Variants in SLAMF1 observed in about 807,000 individuals in gnomAD.
The protein encoded by SLAMF1 is signaling lymphocytic activation molecule family member 1.
In SLAMF1, 18 loss-of-function variants were observed where a neutral mutation model predicts 35.1. That is an observed-to-expected ratio of 0.51 (90% CI 0.35 to 0.76). The LOEUF is 0.76. Ranked by LOEUF, SLAMF1 falls within the 30% of genes least tolerant of loss-of-function variation. SLAMF1 has a pLI of 0.01. For synonymous variants in SLAMF1, 168 were observed against 157.2 expected, an observed-to-expected ratio of 1.07 and a Z score of -0.51; for missense variants, 392 against 413.0, an observed-to-expected ratio of 0.95 and a Z score of 0.44.
intron 5 of SLAMF1, among the ~76,000 whole-genome samples, chr1:160,615,270 A>G (rs1479308683): frequency 6.6e-6 from 1 of 152,094 alleles, no homozygotes; most frequent in Non-Finnish European, 1.5e-5. Context: ...TGTTTAAAAT[A>G]TATATGAAAT....
chr1:160,610,806 C>T lies in SLAMF1; in HGVS notation c.958-8G>A. ...TGTGATGGAATTTGTTTCCTGGGGACAAAGCAGAAGTCTGTGAGTAGAGGG... is the reference window on the plus strand; with the variant it reads ...TGTGATGGAATTTGTTTCCTGGGGATAAAGCAGAAGTCTGTGAGTAGAGGG... On this transcript the variant is annotated splice_region_variant and splice_polypyrimidine_tract_variant and intron_variant, in intron 6 of 6. Coordinates refer to ENST00000302035, the MANE Select transcript of SLAMF1 (RefSeq NM_003037.5). 1 of 1,607,928 alleles carries T rather than the reference C, an allele frequency of 6.2e-7. No individual in the cohort carries two copies. Among genetic ancestry groups the T allele is most frequent in the Non-Finnish European group, 8.5e-7 (1 of 1,174,362 alleles).
intron 5 of SLAMF1, 135 bp from the exon 6 acceptor site, chr1:160,612,715 C>T: frequency 1.7e-6 from 1 of 594,092 alleles, no homozygotes; most frequent in South Asian, 2.0e-5. Context: ...CAACCTCCTT[C>T]TCAGGTGGGA....
rs1360271854 is a variant in SLAMF1, at chr1:160,608,515, T to C, written c.*2233A>G. On this transcript the variant is annotated 3_prime_UTR_variant, in exon 7 of 7. Coordinates refer to ENST00000302035, the MANE Select transcript of SLAMF1 (RefSeq NM_003037.5). ...GGGGTTGTTTTACCACGTGTAACCA[T>C]GGTCTAGGGTGAGAGGCATAATGCC... The C allele has an allele frequency of 1.3e-5, 2 of 152,236 alleles. No homozygotes were observed. The highest frequency in any genetic ancestry group is 2.4e-5 in the African/African-American group (1 of 41,456). The allele number at this position is 152,236 out of a possible 1,614,324, so 9.4% of individuals were successfully genotyped here.
intron 5 of SLAMF1, among the ~76,000 whole-genome samples, chr1:160,617,441 C>G (rs1348222232): frequency 6.6e-6 from 1 of 152,096 alleles, no homozygotes; most frequent in Non-Finnish European, 1.5e-5. Context: ...CAATAGTCAA[C>G]TGGATAAATA....
intron 6 of SLAMF1, 119 bp downstream of exon 6, chr1:160,612,369 C>T: frequency 1.6e-6 from 1 of 622,988 alleles, no homozygotes; most frequent in Admixed American, 2.8e-5. Context: ...AAGCCTAGTG[C>T]CCAATAGCTA....
At chr1:160,629,225 G>C (rs891185383) in intron 3 of SLAMF1, among the ~76,000 whole-genome samples, 31 of 152,132 alleles carry the variant, frequency 2.0e-4, no homozygotes, top group African/African-American at 7.5e-4. Context: ...TTGGCAGACA[G>C]TCACACATCC....
intron 5 of SLAMF1, among the ~76,000 whole-genome samples, chr1:160,613,474 C>T (rs1659112359): frequency 6.6e-6 from 1 of 152,200 alleles, no homozygotes; most frequent in Admixed American, 6.5e-5. Context: ...TGGACAAAGA[C>T]CTCAAAATAA....
intron 6 of SLAMF1, among the ~76,000 whole-genome samples, chr1:160,611,844 G>A (rs1659005805): frequency 6.6e-6 from 1 of 152,110 alleles, no homozygotes; most frequent in Non-Finnish European, 1.5e-5. Context: ...TGCTTCCCTG[G>A]TGATTCTGTT....
intron 1 of SLAMF1, among the ~76,000 whole-genome samples, chr1:160,638,001 G>A (rs1660545175): frequency 1.3e-5 from 2 of 152,092 alleles, no homozygotes. Flanking sequence ...GAGGAAAACA[G>A]AAAAATCTGA....
intron 5 of SLAMF1, among the ~76,000 whole-genome samples, chr1:160,619,407 TCA>T (rs747375281): frequency 6.6e-6 from 1 of 152,180 alleles, no homozygotes; most frequent in Non-Finnish European, 1.5e-5. Flanking sequence ...GTCCAACATG[TCA>T]CACAATAGCT....
At chr1:160,622,782 C>G (rs1008790626) in intron 4 of SLAMF1, among the ~76,000 whole-genome samples, 1 of 152,184 alleles carries the variant, frequency 6.6e-6, no homozygotes, top group South Asian at 2.1e-4. Context: ...AATGCCTATA[C>G]CCACATTCTT....
intron 5 of SLAMF1, among the ~76,000 whole-genome samples, chr1:160,617,171 A>G (rs889523264): frequency 1.3e-5 from 2 of 151,954 alleles, no homozygotes; most frequent in African/African-American, 4.8e-5. Context: ...AAAATTTAAA[A>G]AAAAAAGGCA....
At chr1:160,628,436 A>G (rs1452553250) in intron 3 of SLAMF1, among the ~76,000 whole-genome samples, 2 of 152,210 alleles carry the variant, frequency 1.3e-5, no homozygotes, top group African/African-American at 4.8e-5. Context: ...AGCATTTATT[A>G]AGGTACTATC....
chr1:160,646,898 G>A lies in SLAMF1; in HGVS notation c.48C>T (p.Ser16=). ...TTCCGTAGCTTGCCCCAAAAGCCAG[G>A]GAGAGAAACAGCACGAAGGTCAAGG... is the stretch of plus-strand genomic sequence containing the variant. ...LLSLTFVLFL[S]LAFGASYGTG... Residue 16 remains serine (S), a synonymous_variant, in exon 1 of 7, where the codon TCC becomes TCT. Transcript: ENST00000302035. The A allele has an allele frequency of 1.2e-6, 2 of 1,608,486 alleles. No homozygotes were observed. Among genetic ancestry groups the A allele is most frequent in the East Asian group, 4.5e-5 (2 of 44,806 alleles).
At chr1:160,622,544 A>G (rs569069217) in intron 4 of SLAMF1, among the ~76,000 whole-genome samples, 2 of 152,238 alleles carry the variant, frequency 1.3e-5, no homozygotes, top group Non-Finnish European at 2.9e-5. Context: ...ATTCATCTAC[A>G]CTAAGAGATC....
At position 160,624,541 on chromosome 1, in the gene SLAMF1, A is replaced by G. The variant is rs139553583; in HGVS notation, c.701-356T>C. Among the ~76,000 whole-genome samples, 343 of 152,350 alleles carry G rather than the reference A, an allele frequency of 2.3e-3. 1 individual carries two copies. The highest frequency in any genetic ancestry group is 8.1e-3 in the African/African-American group (335 of 41,582). Reference sequence around the variant, plus strand: ...TCTTAAGATTGCTAATGTGTCCTGTATCCATTTTGGGTAAAGAGAATATAA... The same window carrying G: ...TCTTAAGATTGCTAATGTGTCCTGTGTCCATTTTGGGTAAAGAGAATATAA... On this transcript the variant is annotated intron_variant, in intron 3 of 6. Coordinates refer to ENST00000302035, the MANE Select transcript of SLAMF1 (RefSeq NM_003037.5).
At position 160,610,780 on chromosome 1, in the gene SLAMF1, C is replaced by T. The variant is rs1374160802; in HGVS notation, c.976G>A (p.Val326Ile). Residue 326 changes from valine (V) to isoleucine (I), a missense_variant, in exon 7 of 7, where the codon GTC becomes ATC. Coordinates refer to ENST00000302035, the MANE Select transcript of SLAMF1 (RefSeq NM_003037.5). ...ESVQETNSIT[V>I]YASVTLPES ...TCTGGAAGTGTCACACTAGCATAGA[C>T]TGTGATGGAATTTGTTTCCTGGGGA... is the stretch of plus-strand genomic sequence containing the variant. 3.7e-6 allele frequency: 6 copies of T among 1,612,710 alleles called. No individual in the cohort carries two copies. The highest frequency in any genetic ancestry group is 5.1e-6 in the Non-Finnish European group (6 of 1,178,728).
chr1:160,624,585 C>T (rs1449509230), intron 3 of SLAMF1, among the ~76,000 whole-genome samples: 1 of 152,198 alleles, frequency 6.6e-6, no homozygotes, highest in Non-Finnish European at 1.5e-5. Flanking sequence ...TGTGCCGTCC[C>T]TGTGAATTCA....
chr1:160,634,118 A>C (rs1036461185), intron 3 of SLAMF1, among the ~76,000 whole-genome samples: 17 of 152,364 alleles, frequency 1.1e-4, no homozygotes, highest in African/African-American at 4.1e-4. Context: ...CCTGTGTTTC[A>C]TTATTAAGCA....
Sources: allele counts gnomAD v4.1 joint callset (sites outside exome capture counted in the v4.1 genomes callset), GRCh38; gene constraint gnomAD v4.1.1; transcripts MANE v1.5; gene names NCBI Gene and HGNC (gene_info 2026-07-23, HGNC 2026-07-21).